NIN: variants seen among roughly 807,000 people sequenced by gnomAD.
NIN encodes the protein glycogen synthase kinase 3 beta-interacting protein.
In NIN, 137 loss-of-function variants were observed where a neutral mutation model predicts 257.6. That is an observed-to-expected ratio of 0.53 (90% CI 0.46 to 0.61). The LOEUF is 0.61. Ranked by LOEUF, NIN falls within the 20% of genes least tolerant of loss-of-function variation. The probability of loss-of-function intolerance (pLI) is 0.00; values close to 1 mark genes in which losing one functional copy is unlikely to be tolerated. For synonymous variants in NIN, 918 were observed against 919.8 expected, an observed-to-expected ratio of 1.00 and a Z score of 0.04; for missense variants, 2,439 against 2,501.2, an observed-to-expected ratio of 0.98 and a Z score of 0.53.
At chr14:50,778,907 CTAAG>C (rs1476820190) in intron 5 of NIN, 103 bp from the exon 6 acceptor site, 2 of 1,182,684 alleles carry the variant, frequency 1.7e-6, no homozygotes, top group Non-Finnish European at 2.5e-6. Context: ...AAATCATCAT[CTAAG>C]TGAGTCACAT....
Position 50,731,671 on chromosome 14 carries a change from A to G in NIN, c.5878-1948T>C, listed in dbSNP as rs147393430. On this transcript the variant is annotated intron_variant, in intron 28 of 30. Coordinates refer to ENST00000530997, the MANE Select transcript of NIN (RefSeq NM_020921.4). ...AACGTGGTGAAATGCCATCTCTACT[A>G]AAAATACAACCAGGCATGGTGGTGG... Among the ~76,000 whole-genome samples the G allele has an allele frequency of 6.0e-3, 920 of 152,132 alleles. 6 individuals carry two copies. The highest frequency in any genetic ancestry group is 0.024 in the Middle Eastern group (7 of 294).
intron 4 of NIN, among the ~76,000 whole-genome samples, chr14:50,793,404 A>C (rs2043688472): frequency 6.6e-6 from 1 of 152,086 alleles, no homozygotes; most frequent in African/African-American, 2.4e-5. Context: ...AGCAGATGAC[A>C]AAACAAAGAA....
In NIN at chr14:50,761,804, C is replaced by G. The variant is rs770671649; in HGVS notation, c.1882G>C (p.Glu628Gln). 2 of 1,614,134 alleles carry G rather than the reference C, an allele frequency of 1.2e-6. No individual in the cohort carries two copies. The highest frequency in any genetic ancestry group is 2.7e-5 in the African/African-American group (2 of 75,052). The part of the protein sequence containing the change: ...HHRDICCLRL[E>Q]LEDKVRHYEK... ...GAAGGACTTACTTTATCTTCGAGCT[C>G]CAGTCTGAGGCAACATATGTCCCTG... The change falls in exon 16 of 31, where the codon GAG (glutamate) becomes CAG (glutamine). Residue 628 changes from glutamate to glutamine, a missense_variant. This residue lies in a region of NIN where 2,043 missense variants were observed against 2,050.2 expected (regional missense o/e 1.00). Coordinates refer to ENST00000530997, the MANE Select transcript of NIN (RefSeq NM_020921.4).
chr14:50,765,129 C>T (rs942141556), intron 14 of NIN, among the ~76,000 whole-genome samples: 4 of 149,266 alleles, frequency 2.7e-5, no homozygotes, highest in East Asian at 2.0e-4. Context: ...CCCAGCTACT[C>T]GGGAGGCTGA....
chr14:50,729,410 C>T, intron 29 of NIN, 113 bp downstream of exon 29: 1 of 991,270 alleles, frequency 1.0e-6, no homozygotes, highest in Non-Finnish European at 1.5e-6. Flanking sequence ...GCTGGGACTA[C>T]AGGTGTGTGC....
At chr14:50,828,782 G>T (rs8010709) in intron 2 of NIN, among the ~76,000 whole-genome samples, 41,592 of 152,082 alleles carry the variant, frequency 0.27, 5,740 homozygotes, top group East Asian at 0.41. Flanking sequence ...TAAGAATACT[G>T]CCTATTACAT....
At chr14:50,725,427 T>G (rs1283259933) in intron 30 of NIN, among the ~76,000 whole-genome samples, 2 of 152,152 alleles carry the variant, frequency 1.3e-5, no homozygotes, top group Non-Finnish European at 2.9e-5. Context: ...AGATTCTAAC[T>G]CAAAGTACAT....
chr14:50,806,658 T>A, intron 4 of NIN, 79 bp downstream of exon 4: 1 of 756,690 alleles, frequency 1.3e-6, no homozygotes, highest in South Asian at 1.6e-5. Context: ...ATCCTTCATA[T>A]ACATGCTTCA....
intron 21 of NIN, among the ~76,000 whole-genome samples, chr14:50,751,766 A>G (rs2041799340): frequency 1.3e-5 from 2 of 152,128 alleles, no homozygotes; most frequent in Non-Finnish European, 2.9e-5. Flanking sequence ...GGCTCAAGCT[A>G]TTCTCCTGCC....
intron 12 of NIN, among the ~76,000 whole-genome samples, chr14:50,767,624 T>C (rs868803457): frequency 2.3e-4 from 35 of 152,236 alleles, no homozygotes; most frequent in South Asian, 6.2e-4. Context: ...GAGACCATCC[T>C]GGCGAACACG....
At chr14:50,817,559 G>A (rs1020251657) in intron 3 of NIN, among the ~76,000 whole-genome samples, 2 of 151,974 alleles carry the variant, frequency 1.3e-5, no homozygotes, top group Admixed American at 6.5e-5. Context: ...ATTACCTACC[G>A]GACTCTAGAA....
At chr14:50,772,184 T>C (rs1236679064) in intron 9 of NIN, 117 bp downstream of exon 9, 2 of 970,834 alleles carry the variant, frequency 2.1e-6, no homozygotes, top group South Asian at 1.9e-5. Flanking sequence ...TTTGAGACTT[T>C]GTGAACAGAA....
At chr14:50,819,411 G>A (rs10132475) in intron 3 of NIN, among the ~76,000 whole-genome samples, 34,476 of 152,068 alleles carry the variant, frequency 0.23, 5,037 homozygotes, top group Non-Finnish European at 0.33. Context: ...TACTGTTCTT[G>A]GGGTAGTGAA....
At chr14:50,741,830 T>G in intron 24 of NIN, 102 bp from the exon 25 acceptor site, 9 of 1,336,854 alleles carry the variant, frequency 6.7e-6, no homozygotes, top group Non-Finnish European at 9.2e-6. Context: ...CAAGTCTGTT[T>G]GTTTCTCTTT....
At chr14:50,797,110 T>C (rs1194038903) in intron 4 of NIN, among the ~76,000 whole-genome samples, 1 of 152,244 alleles carries the variant, frequency 6.6e-6, no homozygotes, top group Non-Finnish European at 1.5e-5. Flanking sequence ...TTTTCAAAGA[T>C]GCTCCCCAGT....
intron 15 of NIN, among the ~76,000 whole-genome samples, chr14:50,762,647 T>A (rs1458649771): frequency 1.3e-5 from 2 of 152,162 alleles, no homozygotes; most frequent in African/African-American, 4.8e-5. Context: ...CCCACGACGA[T>A]GACTGAGAAT....
intron 2 of NIN, chr14:50,823,076 C>CA (rs2045301508): frequency 2.4e-6 from 1 of 420,276 alleles, no homozygotes; most frequent in East Asian, 5.1e-5. Flanking sequence ...AACTTGGAGA[C>CA]GTCAATAACT....
At chr14:50,831,389 G>A (rs1298771801), upstream of NIN, among the ~76,000 whole-genome samples, 1 of 152,112 alleles carries the variant, frequency 6.6e-6, no homozygotes, top group Non-Finnish European at 1.5e-5. Context: ...CACCGAGCTG[G>A]GGCTGGCGCT....
chr14:50,746,072 T>A (rs2041523619), intron 22 of NIN, among the ~76,000 whole-genome samples: 2 of 150,566 alleles, frequency 1.3e-5, no homozygotes, highest in South Asian at 4.2e-4. Flanking sequence ...ACGTGCTGAA[T>A]GACATCCCCA....
Sources: gnomAD v4.1 joint callset for allele counts (sites outside exome capture counted in the v4.1 genomes callset) on GRCh38, gnomAD v4.1.1 for gene constraint, gnomAD v4.1.1 regional missense constraint, MANE v1.5 for transcripts, NCBI Gene and HGNC (gene_info 2026-07-23, HGNC 2026-07-21) for gene names.